The following THSD4 variants were observed in gnomAD, a reference collection of about 807,000 sequenced individuals.
THSD4 encodes the protein thrombospondin type-1 domain-containing protein 4.
Under a neutral mutation model 119.0 loss-of-function variants are expected in THSD4, and 69 were observed. The ratio of observed to expected loss-of-function variants is 0.58; its 90% CI spans 0.48 to 0.71. THSD4 has a LOEUF of 0.71. Ranked by LOEUF, THSD4 falls within the 30% of genes least tolerant of loss-of-function variation. The pLI is 0.00. For synonymous variants in THSD4, 524 were observed against 540.4 expected, an observed-to-expected ratio of 0.97 and a Z score of 0.42; for missense variants, 1,393 against 1,391.1, an observed-to-expected ratio of 1.00 and a Z score of -0.02.
At chr15:71,379,450 C>CTTTTTTTTTTTTTTTTT (rs34326932) in intron 6 of THSD4, among the ~76,000 whole-genome samples, 1 of 77,562 alleles carries the variant, frequency 1.3e-5, no homozygotes, top group Non-Finnish European at 2.4e-5. Context: ...CAAATGGCTT[C>CTTTTTTTTTTTTTTTTT]TTTTTTTTTT....
At chr15:71,099,946 A>T (rs531176151) in intron 1 of THSD4, among the ~76,000 whole-genome samples, 154 of 152,314 alleles carry the variant, frequency 1.0e-3, no homozygotes, top group African/African-American at 3.7e-3. Context: ...CCTGGGTGAC[A>T]GTTTTCTTTG....
intron 7 of THSD4, among the ~76,000 whole-genome samples, chr15:71,480,581 G>A (rs556875541): frequency 1.6e-4 from 25 of 152,322 alleles, no homozygotes; most frequent in Middle Eastern, 3.4e-3. Flanking sequence ...TGGCTGAGGT[G>A]GTATTGGTAC....
chr15:71,414,302 A>G (rs375635551), intron 7 of THSD4, among the ~76,000 whole-genome samples: 181 of 152,238 alleles, frequency 1.2e-3, no homozygotes, highest in African/African-American at 3.9e-3. Context: ...TTGTACTTGG[A>G]TTTTCTATGC....
In THSD4 at chr15:71,461,595, AT is replaced by A. The variant is rs529027399; in HGVS notation, c.1152+49774del. Among the ~76,000 whole-genome samples, 15 of 152,342 alleles carry A rather than the reference AT, an allele frequency of 9.8e-5. No homozygotes were observed. The South Asian group carries it at 3.1e-3, about 32-fold the overall frequency. On this transcript the variant is annotated intron_variant, in intron 7 of 17. Coordinates refer to ENST00000261862, the MANE Select transcript of THSD4 (RefSeq NM_024817.3). The stretch of plus-strand genomic sequence containing the variant: ...GTTGGGATTTATAGGGTCCATTAGT[AT>A]TAAATATGGCTACCAAACAGTGTCA...
chr15:71,722,719 A>C (rs1177275872), intron 8 of THSD4, among the ~76,000 whole-genome samples: 1 of 152,220 alleles, frequency 6.6e-6, no homozygotes, highest in African/African-American at 2.4e-5. Context: ...CAAATTGTAA[A>C]GGGCAGTAAA....
intron 7 of THSD4, among the ~76,000 whole-genome samples, chr15:71,609,637 G>A (rs1025147716): frequency 3.3e-5 from 5 of 152,090 alleles, no homozygotes; most frequent in Non-Finnish European, 5.9e-5. Flanking sequence ...CAGATCACGA[G>A]GTCAGGAAAT....
At chr15:71,771,563 G>C (rs2053823972) in intron 17 of THSD4, among the ~76,000 whole-genome samples, 2 of 152,308 alleles carry the variant, frequency 1.3e-5, no homozygotes, top group Non-Finnish European at 2.9e-5. Context: ...GAGATTCTGG[G>C]ACCTTAGCAG....
intron 7 of THSD4, among the ~76,000 whole-genome samples, chr15:71,631,005 A>C (rs1213318203): frequency 6.6e-6 from 1 of 152,014 alleles, no homozygotes; most frequent in Non-Finnish European, 1.5e-5. Context: ...CCAACCACCA[A>C]CTGGACAATC....
intron 6 of THSD4, among the ~76,000 whole-genome samples, chr15:71,340,595 T>G (rs949000090): frequency 4.1e-5 from 6 of 148,010 alleles, no homozygotes; most frequent in Non-Finnish European, 7.4e-5. Flanking sequence ...TTAATGAGCA[T>G]CCAGAGACTT....
At chr15:71,347,970 T>C (rs1207851205) in intron 6 of THSD4, among the ~76,000 whole-genome samples, 3 of 152,196 alleles carry the variant, frequency 2.0e-5, no homozygotes, top group African/African-American at 7.2e-5. Context: ...TGCATACTCA[T>C]TCCCAATACC....
In THSD4 at chr15:71,745,102, G is replaced by A. The variant is rs767972973; in HGVS notation, c.1907-4G>A. 5.0e-6 allele frequency: 8 copies of A among 1,609,012 alleles called. No homozygotes were observed. The African/African-American group carries it at 1.1e-4, about 22-fold the overall frequency. On this transcript the variant is annotated splice_polypyrimidine_tract_variant and splice_region_variant and intron_variant, in intron 11 of 17. Transcript: ENST00000261862. ...GTCCTTCAGACATTCTCCTGTTGTT[G>A]CAGGATCGCAGTACCCTATTTTCCG...
chr15:71,149,073 C>T (rs912794361), intron 2 of THSD4, among the ~76,000 whole-genome samples: 4 of 147,850 alleles, frequency 2.7e-5, no homozygotes, highest in African/African-American at 1.0e-4. Context: ...GAGTCTTGCT[C>T]TATCACCCAG....
At chr15:71,506,403 T>G (rs1264029861) in intron 7 of THSD4, among the ~76,000 whole-genome samples, 1 of 152,204 alleles carries the variant, frequency 6.6e-6, no homozygotes, top group East Asian at 1.9e-4. Flanking sequence ...CTTCCCCATG[T>G]ACTGTCAAGA....
intron 8 of THSD4, among the ~76,000 whole-genome samples, chr15:71,669,937 T>C (rs924069510): frequency 6.6e-6 from 1 of 152,222 alleles, no homozygotes; most frequent in Non-Finnish European, 1.5e-5. Flanking sequence ...TTTCCCTGCT[T>C]TATCTCAAGA....
chr15:71,632,581 GT>G (rs2050653804), intron 7 of THSD4, among the ~76,000 whole-genome samples: 1 of 152,226 alleles, frequency 6.6e-6, no homozygotes, highest in Non-Finnish European at 1.5e-5. Context: ...TGTTTTAAAT[GT>G]CTGTATGTTT....
chr15:71,441,775 A>G (rs2140557943), intron 7 of THSD4, among the ~76,000 whole-genome samples: 1 of 152,062 alleles, frequency 6.6e-6, no homozygotes, highest in South Asian at 2.1e-4. Context: ...CTCCTTTATT[A>G]AGTTCCTAAC....
In THSD4 at chr15:71,629,685, C is replaced by G. The variant is rs147683077; in HGVS notation, c.1153-30845C>G. On this transcript the variant is annotated intron_variant, in intron 7 of 17. Transcript: ENST00000261862. ...GCGTCTTCTACCTCCCCACACCCCA[C>G]TCCACATCCCATACCTACATTGTTG... Among the ~76,000 whole-genome samples the G allele has an allele frequency of 6.7e-3, 1,027 of 152,314 alleles. 8 individuals carry two copies. The highest frequency in any genetic ancestry group is 0.021 in the South Asian group (102 of 4,834).
chr15:71,690,255 C>T (rs7180648), intron 8 of THSD4, among the ~76,000 whole-genome samples: 26,410 of 152,124 alleles, frequency 0.17, 2,496 homozygotes, highest in African/African-American at 0.25. Context: ...TGGAACTGTC[C>T]TCTTTGGTGT....
rs1040381361 is a variant in THSD4, at chr15:71,225,539, C to CTTTTTTTTTTTT, written c.464+10151_464+10152insTTTTTTTTTTTT. ...CAGCTCTCAAACACATTTTCTTTTTCTTTTTTTTTTTCTTTTTTTTTTTTT... is the reference window on the plus strand; with the variant it reads ...CAGCTCTCAAACACATTTTCTTTTTCTTTTTTTTTTTTTTTTTTTTTTTCTTTTTTTTTTTTT... On this transcript the variant is annotated intron_variant, in intron 4 of 17. Coordinates refer to ENST00000261862, the MANE Select transcript of THSD4 (RefSeq NM_024817.3). Among the ~76,000 whole-genome samples, 23 of 105,376 alleles carry CTTTTTTTTTTTT rather than the reference C, an allele frequency of 2.2e-4. 1 individual carries two copies. The highest frequency in any genetic ancestry group is 3.2e-4 in the Admixed American group (3 of 9,288). 69.1% of individuals were successfully genotyped at this position (105,376 alleles called of 152,430 possible).
Sources: allele counts gnomAD v4.1 joint callset (sites outside exome capture counted in the v4.1 genomes callset), GRCh38; gene constraint gnomAD v4.1.1; transcripts MANE v1.5; gene names NCBI Gene and HGNC (gene_info 2026-07-23, HGNC 2026-07-21).